The following ACAD11 variants were observed in gnomAD, a reference collection of about 807,000 sequenced individuals.
The protein encoded by ACAD11 is acyl-CoA dehydrogenase family member 11.
A neutral mutation model predicts 102.2 loss-of-function variants in ACAD11; 83 were observed. That is an observed-to-expected ratio of 0.81 (90% CI 0.68 to 0.97). The LOEUF (loss-of-function observed/expected upper bound fraction) is 0.97. ACAD11 is among the 50% of genes least tolerant of loss of function. ACAD11 has a pLI of 0.00. For missense variants in ACAD11, 901 were observed against 951.7 expected (o/e 0.95, Z 0.70); for synonymous variants, 324 against 319.8 (o/e 1.01, Z -0.14).
In ACAD11 at chr3:132,631,477, A is replaced by G; in HGVS notation, c.705T>C (p.Cys235=). The G allele has an allele frequency of 6.8e-7, 1 of 1,468,494 alleles. No homozygotes were observed. The highest frequency in any genetic ancestry group is 9.0e-7 in the Non-Finnish European group (1 of 1,105,944). 91.0% of individuals were successfully genotyped at this position (1,468,494 alleles called of 1,614,324 possible). A position where few individuals can be genotyped will look rare whatever the true frequency, so the allele number is the denominator to read the frequency against. The change falls in exon 6 of 20, where the codon TGT becomes TGC. Residue 235 remains cysteine (C), a splice_region_variant and synonymous_variant. Coordinates refer to ENST00000264990, the MANE Select transcript of ACAD11 (RefSeq NM_032169.5). ...CCCAATCCAGCACTGCTATAACTCG[A>G]CACTGTAATTAAAAATAAAGAGGTC... ...LDNIVFHPKE[C]RVIAVLDWEL... is the part of the protein sequence containing the mutation.
chr3:132,641,584 AGAAGAAGAAGAAGAAGAAGAGGAG>A (rs1368809498), intron 4 of ACAD11, among the ~76,000 whole-genome samples: 1 of 147,266 alleles, frequency 6.8e-6, no homozygotes. Flanking sequence ...AAGAAGAAGA[AGAAGAAGAAGAAGAAGAAGAGGAG>A]GAAGAAGAGG....
intron 11 of ACAD11, among the ~76,000 whole-genome samples, chr3:132,611,393 GA>G (rs1457284983): frequency 6.6e-6 from 1 of 151,912 alleles, no homozygotes; most frequent in Non-Finnish European, 1.5e-5. Context: ...GCAGGAGAAG[GA>G]AATAAAGGGC....
intron 17 of ACAD11, among the ~76,000 whole-genome samples, chr3:132,568,404 C>T (rs1411968992): frequency 6.6e-6 from 1 of 151,566 alleles, no homozygotes; most frequent in Non-Finnish European, 1.5e-5. Context: ...CAAGGAAAAG[C>T]TAAATAAATG....
intron 8 of ACAD11, chr3:132,627,186 G>T: frequency 6.3e-6 from 1 of 159,744 alleles, no homozygotes; most frequent in South Asian, 1.9e-4. Context: ...CGCGCCTTAT[G>T]CAAGGGGAGG....
chr3:132,614,115 AG>A (rs201340650), intron 11 of ACAD11, among the ~76,000 whole-genome samples: 9,571 of 152,174 alleles, frequency 0.063, 970 homozygotes, highest in African/African-American at 0.22. Flanking sequence ...CCAACTTATA[AG>A]GGATGTGAAG....
intron 17 of ACAD11, among the ~76,000 whole-genome samples, chr3:132,561,812 C>T (rs1455715395): frequency 6.6e-6 from 1 of 152,164 alleles, no homozygotes; most frequent in Admixed American, 6.5e-5. Context: ...CTGGTGCTGC[C>T]CCTTTTTAGT....
At chr3:132,564,991 A>G (rs1263492991) in intron 17 of ACAD11, among the ~76,000 whole-genome samples, 1 of 152,146 alleles carries the variant, frequency 6.6e-6, no homozygotes, top group East Asian at 1.9e-4. Context: ...AGCACAGACC[A>G]AAACAAAACA....
chr3:132,639,388 C>G, intron 5 of ACAD11, 104 bp downstream of exon 5: 1 of 1,106,380 alleles, frequency 9.0e-7, no homozygotes. Context: ...TGTAGGGGAA[C>G]AGGGAGTGGG....
At chr3:132,630,294 T>C (rs1233590877) in intron 7 of ACAD11, 143 bp downstream of exon 7, 1 of 931,130 alleles carries the variant, frequency 1.1e-6, no homozygotes, top group African/African-American at 1.7e-5. Flanking sequence ...TCTGGATTTA[T>C]ATTTTACCTA....
chr3:132,575,918 T>G lies in ACAD11; in HGVS notation c.1855A>C (p.Arg619=), dbSNP rs1307785993. Residue 619 remains arginine, a synonymous_variant, in exon 17 of 20, where the codon AGG becomes CGG. Transcript: ENST00000264990. ...CGGCCTTGGGAAATTTCAAATCCCC[T>G]ACCTTCACCTGGGAAGAAAGGGGAA... ...PATNLILGEG[R]GFEISQGRLG... 15 of 1,613,608 alleles carry G rather than the reference T, an allele frequency of 9.3e-6. No homozygotes were observed. Among genetic ancestry groups the G allele is most frequent in the Admixed American group, 1.7e-5 (1 of 59,970 alleles).
chr3:132,573,270 G>A (rs1474515318), intron 17 of ACAD11, among the ~76,000 whole-genome samples: 1 of 152,112 alleles, frequency 6.6e-6, no homozygotes, highest in Non-Finnish European at 1.5e-5. Context: ...CAACATGATA[G>A]CTACTAACCA....
chr3:132,610,272 C>T lies in ACAD11; in HGVS notation c.1415-5067G>A, dbSNP rs568448137. 2.3e-4 allele frequency among the ~76,000 whole-genome samples: 35 copies of T among 152,090 alleles called. 1 individual carries two copies. In the East Asian group the frequency reaches 6.8e-3, roughly 29 times the overall value. ...AGCACTAAATGCCCACAAGAGAAAG[C>T]AGGAAAGATCTAAAATTGACACCCT... On this transcript the variant is annotated intron_variant, in intron 11 of 19. Coordinates refer to ENST00000264990, the MANE Select transcript of ACAD11 (RefSeq NM_032169.5).
chr3:132,567,139 C>T (rs954255731), intron 17 of ACAD11, among the ~76,000 whole-genome samples: 4 of 152,060 alleles, frequency 2.6e-5, no homozygotes, highest in African/African-American at 4.8e-5. Flanking sequence ...CCACCATACC[C>T]GGCTAATTTT....
intron 11 of ACAD11, among the ~76,000 whole-genome samples, chr3:132,605,793 C>A (rs1038761307): frequency 2.0e-5 from 3 of 152,350 alleles, no homozygotes; most frequent in African/African-American, 7.2e-5. Context: ...TTCCTCTGAA[C>A]TTACATAACA....
intron 13 of ACAD11, among the ~76,000 whole-genome samples, chr3:132,599,745 G>A (rs1938484090): frequency 6.6e-6 from 1 of 152,008 alleles, no homozygotes; most frequent in African/African-American, 2.4e-5. Context: ...GAAGATAGTG[G>A]TGCTACTAAA....
At chr3:132,621,094 T>C (rs1413739114) in intron 9 of ACAD11, 3 of 151,984 alleles carry the variant, frequency 2.0e-5, no homozygotes, top group Non-Finnish European at 4.4e-5. Context: ...GTCCCAGACA[T>C]AAAGAATAAA....
chr3:132,626,708 T>A lies in ACAD11; in HGVS notation c.1180A>T (p.Ile394Phe), dbSNP rs144636376. Residue 394 changes from isoleucine to phenylalanine, a missense_variant, in exon 9 of 20, where the codon ATT (isoleucine) becomes TTT (phenylalanine). By Grantham distance (21) the Ile-to-Phe change is conservative. Transcript: ENST00000264990. Reference protein sequence around the residue: ...IKVKHFMKQHILPAEKEVTEF... With the variant: ...IKVKHFMKQHFLPAEKEVTEF... ...ATACTCACCTTTTCAGCTGGAAGAA[T>A]GTGTTGTTTCATGAAATGCTTCACC... 1 of 1,613,592 alleles carries A rather than the reference T, an allele frequency of 6.2e-7. No individual in the cohort carries two copies. The highest frequency in any genetic ancestry group is 1.1e-5 in the South Asian group (1 of 91,072).
At chr3:132,620,854 G>A (rs1559962558) in intron 9 of ACAD11, among the ~76,000 whole-genome samples, 1 of 152,148 alleles carries the variant, frequency 6.6e-6, no homozygotes, top group African/African-American at 2.4e-5. Flanking sequence ...CTGCACTTCT[G>A]TGTCCTTTAC....
Position 132,619,519 on chromosome 3 carries a change from A to C in ACAD11, c.1224T>G (p.Asn408Lys). 1 of 1,592,604 alleles carries C rather than the reference A, an allele frequency of 6.3e-7. No individual in the cohort carries two copies. The highest frequency in any genetic ancestry group is 8.5e-7 in the Non-Finnish European group (1 of 1,171,374). Reference sequence around the variant, plus strand: ...TTCCCCACTTGTCCACTGAATTTTCATTTTGAACATAGAACTCAGTTACCT... The same window carrying C: ...TTCCCCACTTGTCCACTGAATTTTCCTTTTGAACATAGAACTCAGTTACCT... The part of the protein sequence containing the change: ...EKEVTEFYVQ[N>K]ENSVDKWGKP... Residue 408 changes from asparagine to lysine, a missense_variant, in exon 10 of 20, where the codon AAT (asparagine) becomes AAG (lysine). Physicochemically the swap from Asn to Lys is moderately conservative, Grantham distance 94 (BLOSUM62 0). Transcript: ENST00000264990.
Sources: gnomAD v4.1 joint callset for allele counts (sites outside exome capture counted in the v4.1 genomes callset) on GRCh38, gnomAD v4.1.1 for gene constraint, MANE v1.5 for transcripts, NCBI Gene and HGNC (gene_info 2026-07-23, HGNC 2026-07-21) for gene names.